NALF1: variants seen among roughly 807,000 people sequenced by gnomAD.
The protein encoded by NALF1 is family with sequence similarity 155 member A.
A neutral mutation model predicts 48.4 loss-of-function variants in NALF1; 3 were observed. That is an observed-to-expected ratio of 0.06 (90% CI 0.03 to 0.16). The LOEUF is 0.16. Ranked by LOEUF, NALF1 falls within the 10% of genes least tolerant of loss-of-function variation. The pLI, the probability that NALF1 is intolerant of heterozygous loss-of-function variation, is 1.00. For missense variants in NALF1, 526 were observed against 571.5 expected, an observed-to-expected ratio of 0.92 and a Z score of 0.81; for synonymous variants, 262 against 245.7, an observed-to-expected ratio of 1.07 and a Z score of -0.62.
chr13:107,505,698 C>T (rs1042280050), intron 1 of NALF1, among the ~76,000 whole-genome samples: 3 of 152,166 alleles, frequency 2.0e-5, no homozygotes, highest in Non-Finnish European at 4.4e-5. Context: ...CTTGAAGTGC[C>T]TCTTACGTAA....
intron 1 of NALF1, among the ~76,000 whole-genome samples, chr13:107,253,457 G>T (rs964041675): frequency 2.0e-5 from 3 of 152,106 alleles, no homozygotes; most frequent in Non-Finnish European, 4.4e-5. Flanking sequence ...CCCAGCAGAA[G>T]GCCACCTTGC....
intron 1 of NALF1, among the ~76,000 whole-genome samples, chr13:107,775,775 T>G (rs1053790847): frequency 2.0e-5 from 3 of 152,234 alleles, no homozygotes; most frequent in Non-Finnish European, 4.4e-5. Context: ...TGATTGCCAT[T>G]TATTTCATTT....
intron 1 of NALF1, among the ~76,000 whole-genome samples, chr13:107,544,315 G>A (rs752778209): frequency 1.2e-4 from 19 of 152,104 alleles, no homozygotes; most frequent in Non-Finnish European, 2.5e-4. Flanking sequence ...AGTTAGGAAA[G>A]CTTGGCATTT....
At chr13:107,252,919 A>T (rs750941918) in intron 1 of NALF1, among the ~76,000 whole-genome samples, 5 of 152,228 alleles carry the variant, frequency 3.3e-5, no homozygotes, top group Non-Finnish European at 5.9e-5. Context: ...ACATATTTTA[A>T]TATCACTTAG....
intron 1 of NALF1, among the ~76,000 whole-genome samples, chr13:107,504,070 C>T (rs1344976977): frequency 2.6e-5 from 4 of 151,330 alleles, no homozygotes; most frequent in Admixed American, 2.0e-4. Context: ...TGGCCAACAT[C>T]GTGAAATCCT....
intron 1 of NALF1, among the ~76,000 whole-genome samples, chr13:107,615,693 C>A (rs2138436460): frequency 6.6e-6 from 1 of 152,246 alleles, no homozygotes; most frequent in African/African-American, 2.4e-5. Flanking sequence ...GTGCACTGGT[C>A]CATACTAGTC....
intron 1 of NALF1, among the ~76,000 whole-genome samples, chr13:107,225,686 G>A (rs1288462403): frequency 6.6e-6 from 1 of 152,152 alleles, no homozygotes; most frequent in Admixed American, 6.6e-5. Context: ...ATCTTTAAAT[G>A]CTCACTCTGA....
chr13:107,543,322 A>C (rs1459927835), intron 1 of NALF1, among the ~76,000 whole-genome samples: 3 of 152,086 alleles, frequency 2.0e-5, no homozygotes, highest in Non-Finnish European at 4.4e-5. Flanking sequence ...AAATTACAAC[A>C]ACCATAAAAC....
chr13:107,208,510 T>C (rs777004247), intron 2 of NALF1, among the ~76,000 whole-genome samples: 7 of 152,178 alleles, frequency 4.6e-5, no homozygotes, highest in Non-Finnish European at 7.3e-5. Context: ...TACAGATACA[T>C]GTAGGAAAAA....
intron 1 of NALF1, among the ~76,000 whole-genome samples, chr13:107,480,070 A>T (rs550136491): frequency 6.6e-6 from 1 of 152,304 alleles, no homozygotes; most frequent in East Asian, 1.9e-4. Context: ...ATAACCTAAA[A>T]TACTAATCAG....
chr13:107,716,481 G>T (rs1875824102), intron 1 of NALF1, among the ~76,000 whole-genome samples: 1 of 152,220 alleles, frequency 6.6e-6, no homozygotes. Context: ...CAGGGGCACA[G>T]CTTGATGTGG....
At chr13:107,373,328 T>C (rs922189250) in intron 1 of NALF1, among the ~76,000 whole-genome samples, 3 of 152,198 alleles carry the variant, frequency 2.0e-5, no homozygotes, top group African/African-American at 7.2e-5. Flanking sequence ...AGATTTTGAA[T>C]ACCAGATGTT....
intron 1 of NALF1, among the ~76,000 whole-genome samples, chr13:107,213,225 T>G (rs1430526601): frequency 1.9e-5 from 1 of 52,790 alleles, no homozygotes; most frequent in Admixed American, 2.8e-4. Flanking sequence ...GATTTTTTTT[T>G]AACTCAAAAA....
At chr13:107,663,551 ATTG>A (rs1880782154) in intron 1 of NALF1, among the ~76,000 whole-genome samples, 2 of 152,296 alleles carry the variant, frequency 1.3e-5, no homozygotes, top group South Asian at 4.1e-4. Flanking sequence ...TTTTGTTGTC[ATTG>A]TTGTTTTTCG....
intron 1 of NALF1, among the ~76,000 whole-genome samples, chr13:107,217,342 CCTT>C (rs1879894077): frequency 6.6e-6 from 1 of 152,124 alleles, no homozygotes; most frequent in African/African-American, 2.4e-5. Context: ...CTCTGCCCCT[CCTT>C]CTCCATCTTC....
At chr13:107,301,904 A>C (rs1281685205) in intron 1 of NALF1, among the ~76,000 whole-genome samples, 2 of 152,282 alleles carry the variant, frequency 1.3e-5, no homozygotes, top group East Asian at 3.9e-4. Flanking sequence ...AGCTGAAAAA[A>C]CAACCTATTT....
At chr13:107,573,309 C>G (rs1049251193) in intron 1 of NALF1, among the ~76,000 whole-genome samples, 1 of 137,730 alleles carries the variant, frequency 7.3e-6, no homozygotes, top group Non-Finnish European at 1.6e-5. Context: ...GTGTAGATCT[C>G]TCTTAAAATT....
intron 1 of NALF1, among the ~76,000 whole-genome samples, chr13:107,687,116 A>G (rs897331783): frequency 1.8e-4 from 27 of 152,232 alleles, no homozygotes; most frequent in Non-Finnish European, 4.4e-5. Flanking sequence ...AATACTATGT[A>G]GCCATAAAAA....
chr13:107,276,412 C>T (rs1454087936), intron 1 of NALF1, among the ~76,000 whole-genome samples: 1 of 152,142 alleles, frequency 6.6e-6, no homozygotes, highest in Non-Finnish European at 1.5e-5. Context: ...CAGAACATGT[C>T]CCAACAGGAA....
Sources: gnomAD v4.1 joint callset for allele counts (sites outside exome capture counted in the v4.1 genomes callset) on GRCh38, gnomAD v4.1.1 for gene constraint, MANE v1.5 for transcripts, NCBI Gene and HGNC (gene_info 2026-07-23, HGNC 2026-07-21) for gene names.